The following JAKMIP1 variants were observed in gnomAD, a reference collection of about 807,000 sequenced individuals.
JAKMIP1 encodes the protein janus kinase and microtubule-interacting protein 1.
In JAKMIP1, 33 loss-of-function variants were observed where a neutral mutation model predicts 113.0. The ratio of observed to expected loss-of-function variants is 0.29; its 90% confidence interval spans 0.22 to 0.39. JAKMIP1 has a LOEUF of 0.39. Among genes scored for constraint, JAKMIP1 ranks in the 10% least tolerant of loss-of-function variants. JAKMIP1 has a pLI of 1.00. For synonymous variants in JAKMIP1, 480 were observed against 459.9 expected (o/e 1.04, Z -0.56); for missense variants, 813 against 1,080.5 (o/e 0.75, Z 3.47).
At position 6,140,687 on chromosome 4, in the gene JAKMIP1, T is replaced by C. The variant is rs1171521649; in HGVS notation, c.-147-27690A>G. 2.0e-5 allele frequency among the ~76,000 whole-genome samples: 3 copies of C among 152,152 alleles called. No individual in the cohort carries two copies. Among genetic ancestry groups the C allele is most frequent in the Non-Finnish European group, 4.4e-5 (3 of 68,042 alleles). ...TCCAAGACATTTTCCACAATGAAAA[T>C]GTAATGCTTTTACCTGGAAAAGGGA... On this transcript the variant is annotated intron_variant, in intron 1 of 20. Transcript: ENST00000409021. This position sits in a 1 kb window ranked among gnomAD's most constrained non-coding sequence, Gnocchi z 9.4.
chr4:6,112,760 T>C lies in JAKMIP1; in HGVS notation c.91A>G (p.Thr31Ala). 6.2e-7 allele frequency: 1 copy of C among 1,614,086 alleles called. No homozygotes were observed. The highest frequency in any genetic ancestry group is 8.5e-7 in the Non-Finnish European group (1 of 1,180,024). Reference protein sequence around the residue: ...MANEELRAKLTSIQIEFQQEK... With the variant: ...MANEELRAKLASIQIEFQQEK... ...TGCTGGAACTCGATCTGAATGCTGG[T>C]CAGCTTGGCCCGCAGCTCCTCGTTG... Residue 31 changes from threonine (T) to alanine (A), a missense_variant, in exon 2 of 21, where the codon ACC becomes GCC. Physicochemically the swap from Thr to Ala is moderately conservative, Grantham distance 58. Transcript: ENST00000409021.
At chr4:6,182,904 A>T (rs572176275) in intron 1 of JAKMIP1, among the ~76,000 whole-genome samples, 1 of 152,294 alleles carries the variant, frequency 6.6e-6, no homozygotes, top group South Asian at 2.1e-4. Context: ...TGACCTGGAG[A>T]TGCCTAGGAA....
In JAKMIP1 at chr4:6,154,895, T is replaced by G. The variant is rs1368170942; in HGVS notation, c.-147-41898A>C. 6.6e-6 allele frequency among the ~76,000 whole-genome samples: 1 copy of G among 151,944 alleles called. No individual in the cohort carries two copies. Among genetic ancestry groups the G allele is most frequent in the Non-Finnish European group, 1.5e-5 (1 of 67,980 alleles). On this transcript the variant is annotated intron_variant, in intron 1 of 20. Coordinates refer to ENST00000409021, the MANE Select transcript of JAKMIP1 (RefSeq NM_001099433.2). The surrounding 1 kb of genome is among the most constrained non-coding windows in gnomAD (Gnocchi z 4.2). The stretch of plus-strand genomic sequence containing the variant: ...CCATCGCCTCCCACAGGAAGCCCCC[T>G]GAGACCCTCTCACTCCACAAACCAA...
intron 18 of JAKMIP1, among the ~76,000 whole-genome samples, chr4:6,037,633 C>G (rs1443354427): frequency 1.6e-5 from 2 of 125,534 alleles, no homozygotes; most frequent in Non-Finnish European, 3.3e-5. Flanking sequence ...CCTCCATCAC[C>G]GAGGCAGAGG....
In JAKMIP1 at chr4:6,042,846, A is replaced by G. The variant is rs969473007; in HGVS notation, c.2029-619T>C. On this transcript the variant is annotated intron_variant, in intron 16 of 20. Transcript: ENST00000409021. This position sits in a 1 kb window ranked among gnomAD's most constrained non-coding sequence, Gnocchi z 5.2. Reference sequence around the variant, plus strand: ...AGGGTAGGGGGTGTAGGAGCATGAAAGCAGGGTTCATGCCAGGACATGAGG... The same window carrying G: ...AGGGTAGGGGGTGTAGGAGCATGAAGGCAGGGTTCATGCCAGGACATGAGG... Among the ~76,000 whole-genome samples the G allele has an allele frequency of 6.6e-5, 10 of 152,050 alleles. No individual in the cohort carries two copies. The highest frequency in any genetic ancestry group is 1.2e-4 in the Non-Finnish European group (8 of 68,010).
chr4:6,044,732 T>A lies in JAKMIP1; in HGVS notation c.2029-2505A>T, dbSNP rs907122793. On this transcript the variant is annotated intron_variant, in intron 16 of 20. Transcript: ENST00000409021. This position sits in a 1 kb window ranked among gnomAD's most constrained non-coding sequence, Gnocchi z 4.4. ...TTTGTTGCTGCTGTCGTTTAAAAAATTGCATATAAAAAATAAATTCAACAA... is the reference window on the plus strand; with the variant it reads ...TTTGTTGCTGCTGTCGTTTAAAAAAATGCATATAAAAAATAAATTCAACAA... Among the ~76,000 whole-genome samples, 3 of 152,106 alleles carry A rather than the reference T, an allele frequency of 2.0e-5. No individual in the cohort carries two copies. The highest frequency in any genetic ancestry group is 4.8e-5 in the African/African-American group (2 of 41,414).
At chr4:6,112,627 C>G in intron 2 of JAKMIP1, 95 bp downstream of exon 2, 1 of 1,479,968 alleles carries the variant, frequency 6.8e-7, no homozygotes, top group Non-Finnish European at 9.2e-7. Flanking sequence ...CGGCCCCCCT[C>G]CTGGAACAGG....
At position 6,064,923 on chromosome 4, in the gene JAKMIP1, C is replaced by T. The variant is rs746769031; in HGVS notation, c.1388G>A (p.Arg463Lys). Residue 463 changes from arginine (R) to lysine (K), a missense_variant, in exon 9 of 21, where the codon AGG becomes AAG. Coordinates refer to ENST00000409021, the MANE Select transcript of JAKMIP1 (RefSeq NM_001099433.2). This position sits in a 1 kb window ranked among gnomAD's most constrained non-coding sequence, Gnocchi z 4.3. The stretch of plus-strand genomic sequence containing the variant: ...GGGCGTGGCTGGGGTCCTGTCTGTC[C>T]TGTCTGTGTTGTAGGATGTTTCGGA... ...TLSETSYNTD[R>K]TDRTPATPEE... The T allele has an allele frequency of 1.2e-6, 2 of 1,614,134 alleles. No homozygotes were observed. Among genetic ancestry groups the T allele is most frequent in the African/African-American group, 1.3e-5 (1 of 75,036 alleles).
rs1727544875 is a variant in JAKMIP1, at chr4:6,193,850, C to T, written c.-148+6403G>A. Among the ~76,000 whole-genome samples the T allele has an allele frequency of 6.6e-6, 1 of 152,170 alleles. No homozygotes were observed. The highest frequency in any genetic ancestry group is 1.5e-5 in the Non-Finnish European group (1 of 68,032). Reference sequence around the variant, plus strand: ...AAGCCCTGGGAAGAAAATGTTAACACCCTGAGCACTGCTTCCAACACCAGC... The same window carrying T: ...AAGCCCTGGGAAGAAAATGTTAACATCCTGAGCACTGCTTCCAACACCAGC... On this transcript the variant is annotated intron_variant, in intron 1 of 20. Coordinates refer to ENST00000409021, the MANE Select transcript of JAKMIP1 (RefSeq NM_001099433.2). The surrounding 1 kb of genome is among the most constrained non-coding windows in gnomAD (Gnocchi z 6.4).
At chr4:6,092,740 C>T (rs975432284) in intron 3 of JAKMIP1, among the ~76,000 whole-genome samples, 2 of 152,144 alleles carry the variant, frequency 1.3e-5, no homozygotes, top group Admixed American at 6.5e-5. Flanking sequence ...CCCACTATAT[C>T]GGTCATCATC....
At chr4:6,098,629 AAG>A (rs1424611208) in intron 3 of JAKMIP1, among the ~76,000 whole-genome samples, 2 of 148,040 alleles carry the variant, frequency 1.4e-5, no homozygotes, top group East Asian at 3.9e-4. Flanking sequence ...AAGAAAAAGA[AAG>A]AAAGAAAAGA....
rs1726366085 is a variant in JAKMIP1, at chr4:6,184,125, G to C, written c.-148+16128C>G. On this transcript the variant is annotated intron_variant, in intron 1 of 20. Coordinates refer to ENST00000409021, the MANE Select transcript of JAKMIP1 (RefSeq NM_001099433.2). This position sits in a 1 kb window ranked among gnomAD's most constrained non-coding sequence, Gnocchi z 4.5. ...CTTCTCTGTTTTGTATATTGGAGCA[G>C]GGTGGTTTAGCTATGTAAAAATTTT... Among the ~76,000 whole-genome samples the C allele has an allele frequency of 6.6e-6, 1 of 152,194 alleles. No homozygotes were observed. The highest frequency in any genetic ancestry group is 1.5e-5 in the Non-Finnish European group (1 of 68,042).
chr4:6,081,581 G>A lies in JAKMIP1; in HGVS notation c.1101+28C>T. On this transcript the variant is annotated intron_variant, in intron 6 of 20. Transcript: ENST00000409021. The surrounding 1 kb of genome is among the most constrained non-coding windows in gnomAD (Gnocchi z 4.6). ...TCCCAGACAGAGAAGGGAGTGTCAG[G>A]GCTGTCCCCAAGGGGTCCACAGCTC... 2 of 1,613,328 alleles carry A rather than the reference G, an allele frequency of 1.2e-6. No homozygotes were observed. The highest frequency in any genetic ancestry group is 1.7e-6 in the Non-Finnish European group (2 of 1,179,554).
chr4:6,073,176 G>T (rs1222533194), intron 8 of JAKMIP1, among the ~76,000 whole-genome samples: 1 of 151,912 alleles, frequency 6.6e-6, no homozygotes, highest in Non-Finnish European at 1.5e-5. Context: ...CAGGCAGCAG[G>T]CTTGGCCTCA....
chr4:6,131,162 CAA>C (rs1269297167), intron 1 of JAKMIP1, among the ~76,000 whole-genome samples: 5 of 18,076 alleles, frequency 2.8e-4, no homozygotes, highest in Non-Finnish European at 2.0e-4. Context: ...ACCTTGCCTC[CAA>C]AAAAAAAAAA....
intron 12 of JAKMIP1, among the ~76,000 whole-genome samples, chr4:6,055,375 A>G (rs967194589): frequency 1.3e-5 from 2 of 152,246 alleles, no homozygotes; most frequent in African/African-American, 4.8e-5. Context: ...TTGTACACCA[A>G]TAAGGAAAAA....
Position 6,064,193 on chromosome 4 carries a change from G to A in JAKMIP1, c.1431+687C>T, listed in dbSNP as rs1300010872. Among the ~76,000 whole-genome samples, 1 of 152,226 alleles carries A rather than the reference G, an allele frequency of 6.6e-6. No individual in the cohort carries two copies. Among genetic ancestry groups the A allele is most frequent in the African/African-American group, 2.4e-5 (1 of 41,466 alleles). Reference sequence around the variant, plus strand: ...GCTGTTTAGGAAATTAATCAAATGTGATTATTCCCATCACTGGAAGGCATA... The same window carrying A: ...GCTGTTTAGGAAATTAATCAAATGTAATTATTCCCATCACTGGAAGGCATA... On this transcript the variant is annotated intron_variant, in intron 9 of 20. Coordinates refer to ENST00000409021, the MANE Select transcript of JAKMIP1 (RefSeq NM_001099433.2). The surrounding 1 kb of genome is among the most constrained non-coding windows in gnomAD (Gnocchi z 4.3).
At position 6,108,774 on chromosome 4, in the gene JAKMIP1, T is replaced by A. The variant is rs1252310143; in HGVS notation, c.130-2807A>T. On this transcript the variant is annotated intron_variant, in intron 2 of 20. Coordinates refer to ENST00000409021, the MANE Select transcript of JAKMIP1 (RefSeq NM_001099433.2). The surrounding 1 kb of genome is among the most constrained non-coding windows in gnomAD (Gnocchi z 5.6). ...AGAGGGGGAAGCCAGGTTTCCCACT[T>A]GGAGTAAGAGGTTACAGACAAGCAA... 6.6e-6 allele frequency among the ~76,000 whole-genome samples: 1 copy of A among 152,200 alleles called. No individual in the cohort carries two copies. The highest frequency in any genetic ancestry group is 1.5e-5 in the Non-Finnish European group (1 of 68,032).
chr4:6,114,746 C>G (rs1715483467), intron 1 of JAKMIP1, among the ~76,000 whole-genome samples: 1 of 152,250 alleles, frequency 6.6e-6, no homozygotes, highest in Non-Finnish European at 1.5e-5. Context: ...TCGCCTTGAT[C>G]TGACTTAGAG....
Sources: allele counts gnomAD v4.1 joint callset (sites outside exome capture counted in the v4.1 genomes callset), GRCh38; gene constraint gnomAD v4.1.1; non-coding constraint Gnocchi (gnomAD v3.1); transcripts MANE v1.5; gene names NCBI Gene and HGNC (gene_info 2026-07-23, HGNC 2026-07-21).